Variants in SPAG16 observed in about 807,000 individuals in gnomAD.
SPAG16 encodes the protein sperm-associated antigen 16 protein.
A neutral mutation model predicts 80.4 loss-of-function variants in SPAG16; 86 were observed. The observed-to-expected ratio is 1.07, with a 90% CI of 0.90 to 1.28. The LOEUF is 1.28. SPAG16 is among the 50% of genes most tolerant of loss of function. The probability of loss-of-function intolerance (pLI) is 0.00; values close to 1 mark genes in which losing one functional copy is unlikely to be tolerated. For missense variants in SPAG16, 870 were observed against 765.3 expected (o/e 1.14, Z -1.61); for synonymous variants, 294 against 265.9 (o/e 1.11, Z -1.03).
intron 6 of SPAG16, among the ~76,000 whole-genome samples, chr2:213,344,540 C>A (rs528808746): frequency 3.9e-5 from 6 of 152,144 alleles, no homozygotes; most frequent in Non-Finnish European, 5.9e-5. Flanking sequence ...TTCCCACACC[C>A]CACAACAGGC....
chr2:213,479,462 TTG>T (rs375125648), intron 9 of SPAG16, among the ~76,000 whole-genome samples: 9 of 151,404 alleles, frequency 5.9e-5, no homozygotes, highest in African/African-American at 7.2e-5. Flanking sequence ...ATCTTTTTGT[TTG>T]TGTGTGTGTG....
At chr2:214,328,832 TAAAA>T (rs1259894712) in intron 15 of SPAG16, among the ~76,000 whole-genome samples, 1 of 152,230 alleles carries the variant, frequency 6.6e-6, no homozygotes, top group Admixed American at 6.5e-5. Context: ...ATAATAATAA[TAAAA>T]GTTAACATTC....
chr2:214,051,874 A>T (rs2049663247), intron 13 of SPAG16, among the ~76,000 whole-genome samples: 1 of 152,198 alleles, frequency 6.6e-6, no homozygotes, highest in African/African-American at 2.4e-5. Flanking sequence ...TAGGGTTTTT[A>T]TCCTACATCA....
chr2:213,298,628 A>C (rs186669593), intron 3 of SPAG16, among the ~76,000 whole-genome samples: 1 of 152,244 alleles, frequency 6.6e-6, no homozygotes, highest in East Asian at 1.9e-4. Context: ...TCCTTCTGCT[A>C]TCATGGTCGA....
intron 7 of SPAG16, among the ~76,000 whole-genome samples, chr2:213,356,095 G>T (rs956114182): frequency 1.3e-5 from 2 of 151,904 alleles, no homozygotes; most frequent in African/African-American, 4.8e-5. Flanking sequence ...GTTGAATTTT[G>T]TCAAAGGCCT....
intron 11 of SPAG16, among the ~76,000 whole-genome samples, chr2:213,879,165 T>A (rs1195427079): frequency 6.6e-6 from 1 of 151,880 alleles, no homozygotes; most frequent in Non-Finnish European, 1.5e-5. Flanking sequence ...ATTTTAGGAT[T>A]TTTTTTTCTA....
intron 9 of SPAG16, among the ~76,000 whole-genome samples, chr2:213,483,733 A>G (rs1002181423): frequency 2.6e-5 from 4 of 152,196 alleles, no homozygotes; most frequent in Non-Finnish European, 4.4e-5. Flanking sequence ...GAAATTGACT[A>G]ACGGGAGTTT....
chr2:214,255,260 A>T (rs1433612904), intron 15 of SPAG16, among the ~76,000 whole-genome samples: 1 of 151,972 alleles, frequency 6.6e-6, no homozygotes, highest in Non-Finnish European at 1.5e-5. Context: ...TCCTTCAGGG[A>T]ACACATTCTG....
At chr2:213,343,933 A>G (rs1438330806) in intron 6 of SPAG16, among the ~76,000 whole-genome samples, 2 of 152,130 alleles carry the variant, frequency 1.3e-5, no homozygotes, top group Non-Finnish European at 2.9e-5. Context: ...GCTGGGCATA[A>G]CCTTCCCTAT....
chr2:213,747,452 C>A (rs2067878031), intron 10 of SPAG16, among the ~76,000 whole-genome samples: 1 of 152,122 alleles, frequency 6.6e-6, no homozygotes, highest in Non-Finnish European at 1.5e-5. Flanking sequence ...CATTTACTCG[C>A]CACTCACTCA....
At chr2:213,678,914 T>C (rs887029958) in intron 10 of SPAG16, among the ~76,000 whole-genome samples, 1 of 152,162 alleles carries the variant, frequency 6.6e-6, no homozygotes. Context: ...TTGTGGTTCC[T>C]TTACCTATAA....
rs143417875 is a variant in SPAG16, at chr2:213,648,138, G to A, written c.1070+158048G>A. ...ATTTCTTTTCCTTCATTTGCAAGAC[G>A]TAACCATTTTTTATATTTTACTTTG... is the stretch of plus-strand genomic sequence containing the variant. On this transcript the variant is annotated intron_variant, in intron 10 of 15. Transcript: ENST00000331683. 8.6e-5 allele frequency among the ~76,000 whole-genome samples: 13 copies of A among 152,006 alleles called. 1 individual carries two copies. The highest frequency in any genetic ancestry group is 2.4e-4 in the African/African-American group (10 of 41,440).
intron 15 of SPAG16, 144 bp from the exon 16 acceptor site, chr2:214,409,996 C>A: frequency 1.3e-6 from 1 of 769,510 alleles, no homozygotes; most frequent in Non-Finnish European, 2.1e-6. Flanking sequence ...CTTATACCTA[C>A]AGGAGCTACT....
At chr2:214,146,917 G>A (rs893891119) in intron 14 of SPAG16, among the ~76,000 whole-genome samples, 7 of 151,982 alleles carry the variant, frequency 4.6e-5, no homozygotes, top group African/African-American at 1.4e-4. Context: ...CAGGAGAATG[G>A]CGTTAACCCG....
chr2:213,904,638 C>T (rs2077363748), intron 11 of SPAG16, among the ~76,000 whole-genome samples: 1 of 143,976 alleles, frequency 6.9e-6, no homozygotes, highest in African/African-American at 2.6e-5. Flanking sequence ...AGGTAAAGGG[C>T]ATAGTGTTAG....
At chr2:213,388,376 C>G (rs1224915462) in intron 9 of SPAG16, among the ~76,000 whole-genome samples, 3 of 152,180 alleles carry the variant, frequency 2.0e-5, no homozygotes, top group Non-Finnish European at 2.9e-5. Flanking sequence ...GTCTCCTTTT[C>G]CCACCTTCGT....
intron 13 of SPAG16, among the ~76,000 whole-genome samples, chr2:214,103,053 G>A (rs1028294934): frequency 6.6e-6 from 1 of 152,098 alleles, no homozygotes; most frequent in African/African-American, 2.4e-5. Flanking sequence ...AGTGTGTTTA[G>A]GGAGGTATAT....
At chr2:213,918,004 T>C (rs181805246) in intron 11 of SPAG16, among the ~76,000 whole-genome samples, 3 of 152,286 alleles carry the variant, frequency 2.0e-5, no homozygotes, top group Admixed American at 1.3e-4. Context: ...ATCAAAAGAC[T>C]TTTCTGCATC....
chr2:213,833,455 T>TATATATTATATATAATA (rs2073804277), intron 10 of SPAG16, among the ~76,000 whole-genome samples: 1 of 2,158 alleles, frequency 4.6e-4, no homozygotes, highest in Non-Finnish European at 8.6e-4. Context: ...ATATATATAT[T>TATATATTATATATAATA]ATATATATAT....
Sources: allele counts gnomAD v4.1 joint callset (sites outside exome capture counted in the v4.1 genomes callset), GRCh38; gene constraint gnomAD v4.1.1; transcripts MANE v1.5; gene names NCBI Gene and HGNC (gene_info 2026-07-23, HGNC 2026-07-21).